The following STRBP variants were observed in gnomAD, a reference collection of about 807,000 sequenced individuals.
STRBP encodes the protein spermatid perinuclear RNA-binding protein.
In STRBP, 13 loss-of-function variants were observed where a neutral mutation model predicts 80.1. That is an observed-to-expected ratio of 0.16 (90% confidence interval 0.11 to 0.26). The LOEUF (loss-of-function observed/expected upper bound fraction) is 0.26. STRBP is among the 10% of genes least tolerant of loss of function. The pLI, the probability that STRBP is intolerant of heterozygous loss-of-function variation, is 1.00. For synonymous variants in STRBP, 284 were observed against 291.2 expected, an observed-to-expected ratio of 0.98 and a Z score of 0.25; for missense variants, 485 against 815.2, an observed-to-expected ratio of 0.59 and a Z score of 4.93.
intron 2 of STRBP, among the ~76,000 whole-genome samples, chr9:123,222,431 C>T (rs2040096683): frequency 6.6e-6 from 1 of 152,056 alleles, no homozygotes; most frequent in South Asian, 2.1e-4. Context: ...AATATATGGG[C>T]ACTAGATATG....
intron 5 of STRBP, among the ~76,000 whole-genome samples, chr9:123,172,941 T>C (rs76134992): frequency 0.014 from 2,175 of 152,306 alleles, 55 homozygotes; most frequent in African/African-American, 0.049. Context: ...GACAAACTAA[T>C]ATAAAATTAT....
chr9:123,207,050 T>C (rs534695382), intron 2 of STRBP, among the ~76,000 whole-genome samples: 186 of 152,320 alleles, frequency 1.2e-3, no homozygotes, highest in Non-Finnish European at 2.1e-3. Context: ...GGAAAGTCCA[T>C]TATGTCTAAT....
At position 123,219,319 on chromosome 9, in the gene STRBP, G is replaced by A. The variant is rs115406985; in HGVS notation, c.-165+17511C>T. On this transcript the variant is annotated intron_variant, in intron 2 of 18. Coordinates refer to ENST00000348403, the MANE Select transcript of STRBP (RefSeq NM_018387.5). ...TTCCCCCGACCCAAAGAGTCTCTAC[G>A]ATTTCAACCCCCCACAAACTCTGCC... 7.2e-3 allele frequency among the ~76,000 whole-genome samples: 1,100 copies of A among 152,090 alleles called. 13 individuals are homozygous for A. Among genetic ancestry groups the A allele is most frequent in the African/African-American group, 0.025 (1,042 of 41,488 alleles).
Position 123,115,176 on chromosome 9 carries a change from C to T in STRBP, c.*84+753G>A. ...TCCTCTCGGGTCCCACAGCAAGGCC[C>T]TTCACACTCCCCAAGTGGGCACACT... On this transcript the variant is annotated intron_variant and NMD_transcript_variant, in intron 3 of 3. Coordinates refer to the STRBP transcript ENST00000471564. This position sits in a 1 kb window ranked among gnomAD's most constrained non-coding sequence, Gnocchi z 5.0. The T allele has an allele frequency of 2.1e-6, 1 of 470,436 alleles. No homozygotes were observed. Among genetic ancestry groups the T allele is most frequent in the Non-Finnish European group, 4.4e-6 (1 of 226,536 alleles). The allele number at this position is 470,436 out of a possible 1,614,324, so 29.1% of individuals were successfully genotyped here.
At chr9:123,239,246 G>A (rs976060054) in intron 1 of STRBP, among the ~76,000 whole-genome samples, 20 of 152,102 alleles carry the variant, frequency 1.3e-4, no homozygotes, top group Admixed American at 1.3e-4. Flanking sequence ...ATGGTGGCGG[G>A]CGCCTGTAGT....
chr9:123,154,694 C>A (rs1235616723), intron 11 of STRBP, among the ~76,000 whole-genome samples: 1 of 152,056 alleles, frequency 6.6e-6, no homozygotes, highest in African/African-American at 2.4e-5. Flanking sequence ...AAGATGAGGA[C>A]TGAAAACTAA....
chr9:123,207,389 A>G (rs1200942615), intron 2 of STRBP, among the ~76,000 whole-genome samples: 3 of 152,246 alleles, frequency 2.0e-5, no homozygotes, highest in Admixed American at 6.5e-5. Context: ...TGGAGGAAAA[A>G]GCTAGTTGCA....
chr9:123,154,819 G>C (rs1554750480), intron 11 of STRBP, among the ~76,000 whole-genome samples: 2 of 152,206 alleles, frequency 1.3e-5, no homozygotes, highest in Non-Finnish European at 2.9e-5. Context: ...GGAGAAAAGA[G>C]AAAAGGGCTG....
Position 123,122,464 on chromosome 9 carries a change from G to T in STRBP, c.*3133C>A. ...TTAAAAAAAAAAAAAAAAAGAAAAG[G>T]CCAATACCAGCAAAATCTCTCAGTG... On this transcript the variant is annotated 3_prime_UTR_variant, in exon 19 of 19. Coordinates refer to ENST00000348403, the MANE Select transcript of STRBP (RefSeq NM_018387.5). 1 of 1,197,424 alleles carries T rather than the reference G, an allele frequency of 8.4e-7. No individual in the cohort carries two copies. Among genetic ancestry groups the T allele is most frequent in the South Asian group, 1.6e-5 (1 of 63,752 alleles). 74.2% of individuals were successfully genotyped at this position (1,197,424 alleles called of 1,614,324 possible).
intron 2 of STRBP, among the ~76,000 whole-genome samples, chr9:123,213,411 C>T (rs912975889): frequency 6.6e-6 from 1 of 152,146 alleles, no homozygotes; most frequent in African/African-American, 2.4e-5. Context: ...AGAACAGAAT[C>T]GACTAAATTC....
At chr9:123,168,284 G>C (rs1190956061) in intron 6 of STRBP, 1 of 956,404 alleles carries the variant, frequency 1.0e-6, no homozygotes, top group East Asian at 1.2e-4. Context: ...AGCCATTTAA[G>C]ATTGGTTCTT....
intron 1 of STRBP, among the ~76,000 whole-genome samples, chr9:123,262,093 A>G (rs1299371072): frequency 2.0e-5 from 3 of 152,240 alleles, no homozygotes; most frequent in African/African-American, 7.2e-5. Flanking sequence ...AACCAGTTAC[A>G]AACTCCATTT....
intron 11 of STRBP, among the ~76,000 whole-genome samples, chr9:123,154,497 G>A (rs1452597841): frequency 3.3e-5 from 5 of 152,160 alleles, no homozygotes; most frequent in East Asian, 1.9e-4. Context: ...AGGATAAAAC[G>A]GATGGCTTCT....
intron 6 of STRBP, among the ~76,000 whole-genome samples, chr9:123,162,462 C>T (rs547387222): frequency 6.6e-6 from 1 of 152,296 alleles, no homozygotes; most frequent in Middle Eastern, 3.4e-3. Flanking sequence ...AAGCAATGTG[C>T]CTGCCTTGGC....
intron 6 of STRBP, among the ~76,000 whole-genome samples, chr9:123,161,921 T>C (rs939629984): frequency 1.3e-5 from 2 of 152,216 alleles, no homozygotes; most frequent in Non-Finnish European, 1.5e-5. Context: ...TTTTAAACTT[T>C]TGGGATTGGT....
chr9:123,123,213 C>G lies in STRBP; in HGVS notation c.*2384G>C. The G allele has an allele frequency of 1.0e-6, 1 of 985,368 alleles. No homozygotes were observed. Among genetic ancestry groups the G allele is most frequent in the Non-Finnish European group, 1.2e-6 (1 of 829,930 alleles). 61.0% of individuals were successfully genotyped at this position (985,368 alleles called of 1,614,324 possible). A position where few individuals can be genotyped will look rare whatever the true frequency, so the allele number is the denominator to read the frequency against. On this transcript the variant is annotated 3_prime_UTR_variant, in exon 19 of 19. Transcript: ENST00000348403. ...ATAGGGGCTGTCAATGAAAAAACCACCTACAGTGGAGAAAAGAGCAGAGAA... is the reference window on the plus strand; with the variant it reads ...ATAGGGGCTGTCAATGAAAAAACCAGCTACAGTGGAGAAAAGAGCAGAGAA...
chr9:123,118,437 C>G (rs569890979), downstream of STRBP, among the ~76,000 whole-genome samples: 4 of 152,336 alleles, frequency 2.6e-5, no homozygotes, highest in South Asian at 8.3e-4. Context: ...TGCCCACCAG[C>G]AGGGTGGCAC....
intron 2 of STRBP, among the ~76,000 whole-genome samples, chr9:123,229,794 A>G (rs2488597): frequency 0.38 from 58,322 of 152,058 alleles, 18,167 homozygotes; most frequent in African/African-American, 0.83. Context: ...AGGGGTCGGA[A>G]TAATCAAACA....
intron 3 of STRBP, among the ~76,000 whole-genome samples, chr9:123,181,800 CAAAAAAAAAAAAAAAAAAAAAAAA>C (rs56785428): frequency 0.065 from 1,683 of 25,830 alleles, 95 homozygotes; most frequent in Non-Finnish European, 0.072. Context: ...AACTTCGTCT[CAAAAAAAAAAAAAAAAAAAAAAAA>C]AAAAAAAAAA....
Sources: allele counts gnomAD v4.1 joint callset (sites outside exome capture counted in the v4.1 genomes callset), GRCh38; gene constraint gnomAD v4.1.1; non-coding constraint Gnocchi (gnomAD v3.1); transcripts MANE v1.5; gene names NCBI Gene and HGNC (gene_info 2026-07-23, HGNC 2026-07-21).